Variants in MAP4K5 observed in about 807,000 individuals in gnomAD.
MAP4K5 encodes mitogen-activated protein kinase kinase kinase kinase 5.
In MAP4K5, 82 loss-of-function variants were observed where a neutral mutation model predicts 135.6. That is an observed-to-expected ratio of 0.60 (90% confidence interval 0.51 to 0.73). The LOEUF is 0.73. Among genes scored for constraint, MAP4K5 ranks in the 30% least tolerant of loss-of-function variants. The pLI is 0.00. For missense variants in MAP4K5, 907 were observed against 1,010.9 expected (o/e 0.90, Z 1.39); for synonymous variants, 347 against 335.0 (o/e 1.04, Z -0.39).
At chr14:50,450,307 A>AGACATATATCTG (rs1486930844) in intron 14 of MAP4K5, 1 of 152,192 alleles carries the variant, frequency 6.6e-6, no homozygotes, top group East Asian at 1.9e-4. Flanking sequence ...ACATGTAAAC[A>AGACATATATCTG]TATATATGTC....
At chr14:50,497,338 T>C (rs908013345) in intron 3 of MAP4K5, among the ~76,000 whole-genome samples, 14 of 152,252 alleles carry the variant, frequency 9.2e-5, no homozygotes, top group African/African-American at 2.4e-5. Context: ...ATTTGGGGCA[T>C]GTATTTGTGC....
At chr14:50,427,006 C>G (rs1319596009) in intron 30 of MAP4K5, among the ~76,000 whole-genome samples, 1 of 152,118 alleles carries the variant, frequency 6.6e-6, no homozygotes, top group Non-Finnish European at 1.5e-5. Flanking sequence ...AAGTATTTGA[C>G]AATGACAAAT....
At chr14:50,479,628 T>C (rs2037192811) in intron 6 of MAP4K5, among the ~76,000 whole-genome samples, 1 of 152,182 alleles carries the variant, frequency 6.6e-6, no homozygotes, top group Admixed American at 6.5e-5. Context: ...ATAACTGTTT[T>C]AATGTTTTTG....
At chr14:50,468,855 C>T in intron 9 of MAP4K5, 73 bp from the exon 10 acceptor site, 1 of 1,408,676 alleles carries the variant, frequency 7.1e-7, no homozygotes, top group Non-Finnish European at 9.8e-7. Context: ...CTGTTATAAT[C>T]ACCAGACTTG....
At chr14:50,427,951 T>C (rs1265711853) in intron 30 of MAP4K5, among the ~76,000 whole-genome samples, 8 of 152,176 alleles carry the variant, frequency 5.3e-5, no homozygotes, top group Non-Finnish European at 1.2e-4. Flanking sequence ...AACACTGTTA[T>C]CGCATCACAC....
intron 3 of MAP4K5, among the ~76,000 whole-genome samples, chr14:50,495,087 T>C (rs913663980): frequency 7.9e-5 from 12 of 152,118 alleles, no homozygotes; most frequent in African/African-American, 2.2e-4. Flanking sequence ...AAATGAAATT[T>C]AAAAAATTTT....
At chr14:50,516,668 C>T (rs2038040081) in intron 2 of MAP4K5, among the ~76,000 whole-genome samples, 1 of 152,174 alleles carries the variant, frequency 6.6e-6, no homozygotes, top group Non-Finnish European at 1.5e-5. Context: ...TTAAAGAGCA[C>T]ATCTCTTCTA....
At chr14:50,544,629 A>G (rs948889077) in intron 1 of MAP4K5, among the ~76,000 whole-genome samples, 2 of 152,234 alleles carry the variant, frequency 1.3e-5, no homozygotes, top group Non-Finnish European at 2.9e-5. Flanking sequence ...ACATAAGAGG[A>G]GCCAGCATTA....
chr14:50,434,881 G>T, intron 27 of MAP4K5, 81 bp downstream of exon 27: 1 of 778,890 alleles, frequency 1.3e-6, no homozygotes. Context: ...CTAGATAGTA[G>T]TATTGGGATC....
At chr14:50,458,050 G>A (rs949631958) in intron 13 of MAP4K5, among the ~76,000 whole-genome samples, 1 of 152,018 alleles carries the variant, frequency 6.6e-6, no homozygotes, top group African/African-American at 2.4e-5. Context: ...TCTGAGCTCC[G>A]ACTTTGCCCA....
At chr14:50,516,665 G>A (rs995990137) in intron 2 of MAP4K5, among the ~76,000 whole-genome samples, 5 of 152,130 alleles carry the variant, frequency 3.3e-5, no homozygotes, top group African/African-American at 1.2e-4. Flanking sequence ...CTTTTAAAGA[G>A]CACATCTCTT....
In MAP4K5 at chr14:50,485,569, T is replaced by G. The variant is rs2037345834; in HGVS notation, c.322+9A>C. On this transcript the variant is annotated intron_variant, in intron 5 of 32. Coordinates refer to ENST00000682126, the MANE Select transcript of MAP4K5 (RefSeq NM_006575.6). ...GTCTGTTTAAAATGTAAAGTCAAAT[T>G]AACAGTACCATGGTAAATATCTTGA... 1 of 1,511,528 alleles carries G rather than the reference T, an allele frequency of 6.6e-7. No homozygotes were observed. Among genetic ancestry groups the G allele is most frequent in the Non-Finnish European group, 9.0e-7 (1 of 1,114,348 alleles). The allele number at this position is 1,511,528 out of a possible 1,614,324, so 93.6% of individuals were successfully genotyped here. A position where few individuals can be genotyped will look rare whatever the true frequency, so the allele number is the denominator to read the frequency against.
intron 13 of MAP4K5, chr14:50,456,796 G>C (rs2036603121): frequency 2.2e-6 from 1 of 450,124 alleles, no homozygotes; most frequent in Non-Finnish European, 3.9e-6. Flanking sequence ...ATACTGAAGA[G>C]ATTCAAAGAC....
At chr14:50,521,978 C>T (rs951916788) in intron 2 of MAP4K5, among the ~76,000 whole-genome samples, 81 of 152,104 alleles carry the variant, frequency 5.3e-4, no homozygotes, top group Non-Finnish European at 1.0e-4. Flanking sequence ...AACAAAGCCC[C>T]AAAAACACAA....
chr14:50,548,777 T>G (rs1220246293), intron 1 of MAP4K5, among the ~76,000 whole-genome samples: 1 of 152,136 alleles, frequency 6.6e-6, no homozygotes, highest in Non-Finnish European at 1.5e-5. Flanking sequence ...CCCAAAGTAC[T>G]GGGATTACAG....
At chr14:50,476,027 G>T in intron 8 of MAP4K5, 101 bp downstream of exon 8, 1 of 610,714 alleles carries the variant, frequency 1.6e-6, no homozygotes, top group Non-Finnish European at 2.7e-6. Context: ...ATATGAAAAT[G>T]AAATCTGCAT....
Position 50,429,270 on chromosome 14 carries a change from T to TA in MAP4K5, c.2165-11dup, listed in dbSNP as rs1301001865. ...TCTAACTGCTGGCTGCCTTAGGAAG[T>TA]AAAAAACAAGGTTACAATTATACTT... On this transcript the variant is annotated splice_polypyrimidine_tract_variant and intron_variant, in intron 28 of 32. Coordinates refer to ENST00000682126, the MANE Select transcript of MAP4K5 (RefSeq NM_006575.6). 3.9e-6 allele frequency: 6 copies of TA among 1,531,652 alleles called. No homozygotes were observed. Among genetic ancestry groups the TA allele is most frequent in the Middle Eastern group, 1.7e-4 (1 of 5,928 alleles). 94.9% of individuals were successfully genotyped at this position (1,531,652 alleles called of 1,614,324 possible).
At chr14:50,439,263 C>A (rs924744989) in intron 23 of MAP4K5, among the ~76,000 whole-genome samples, 1 of 145,194 alleles carries the variant, frequency 6.9e-6, no homozygotes, top group Non-Finnish European at 1.5e-5. Context: ...AAAATGAAAG[C>A]AATCAGCAAA....
chr14:50,424,719 AAAAAAAAAAG>A (rs1168822526), intron 31 of MAP4K5, among the ~76,000 whole-genome samples: 1 of 146,258 alleles, frequency 6.8e-6, no homozygotes, highest in East Asian at 2.0e-4. Context: ...CAAAAAAAAA[AAAAAAAAAAG>A]AGTTAAAAAT....
Sources: allele counts gnomAD v4.1 joint callset (sites outside exome capture counted in the v4.1 genomes callset), GRCh38; gene constraint gnomAD v4.1.1; transcripts MANE v1.5; gene names NCBI Gene and HGNC (gene_info 2026-07-23, HGNC 2026-07-21).